EDIL3: variants seen among roughly 807,000 people sequenced by gnomAD.
EDIL3 encodes the protein EGF like and discoidin domains 3, also known as EGF-like repeat and discoidin I-like domain-containing protein 3.
EDIL3 carries 37 observed loss-of-function variants against 67.4 expected under a neutral mutation model. That is an observed-to-expected ratio of 0.55 (90% confidence interval 0.42 to 0.72). EDIL3 has a LOEUF of 0.72. Ranked by LOEUF, EDIL3 falls within the 30% of genes least tolerant of loss-of-function variation. EDIL3 has a pLI of 0.00. For missense variants in EDIL3, 527 were observed against 586.3 expected, an observed-to-expected ratio of 0.90 and a Z score of 1.04; for synonymous variants, 195 against 196.3, an observed-to-expected ratio of 0.99 and a Z score of 0.05.
intron 3 of EDIL3, among the ~76,000 whole-genome samples, chr5:84,190,604 T>A (rs1030575618): frequency 3.1e-4 from 35 of 111,186 alleles, no homozygotes; most frequent in South Asian, 5.3e-4. Flanking sequence ...TATATATATA[T>A]AATAAACAAA....
At position 84,316,635 on chromosome 5, in the gene EDIL3, A is replaced by G. The variant is rs1275110488; in HGVS notation, c.68-62423T>C. 2.0e-5 allele frequency among the ~76,000 whole-genome samples: 3 copies of G among 151,784 alleles called. No individual in the cohort carries two copies. In the East Asian group the frequency reaches 5.8e-4, roughly 29 times the overall value. On this transcript the variant is annotated intron_variant, in intron 1 of 10. Transcript: ENST00000296591. ...CAAGTTCTTAGAGACCTACAAAGAG[A>G]CTTAGACTCCCACACAATAATAGTG...
intron 2 of EDIL3, among the ~76,000 whole-genome samples, chr5:84,237,739 G>C (rs1441367786): frequency 6.6e-6 from 1 of 152,048 alleles, no homozygotes; most frequent in Non-Finnish European, 1.5e-5. Flanking sequence ...GATCCTCTTT[G>C]ATGCCATCCT....
chr5:84,262,116 G>T (rs1426393687), intron 1 of EDIL3, among the ~76,000 whole-genome samples: 1 of 152,138 alleles, frequency 6.6e-6, no homozygotes, highest in Admixed American at 6.5e-5. Flanking sequence ...ACAGTTTCTA[G>T]AATTGAAAAG....
rs761164390 is a variant in EDIL3, at chr5:84,137,341, G to C, written c.369C>G (p.Cys123Trp). ...CACCATTTTTGCAAGGCTCAACTTC[G>C]CATTCATTTATGTCTAAGAAAAACA... ...GIHCQHNINE[C>W]EVEPCKNGGI... The change falls in exon 5 of 11, where the codon TGC (cysteine) becomes TGG (tryptophan). Residue 123 changes from cysteine to tryptophan, a missense_variant. Cys to Trp is a radical substitution (Grantham distance 215). Around this residue, in one of 2 missense-constraint regions of EDIL3, gnomAD observed 494 missense variants for 522.5 expected, o/e 0.95. Coordinates refer to ENST00000296591, the MANE Select transcript of EDIL3 (RefSeq NM_005711.5). 6.2e-7 allele frequency: 1 copy of C among 1,612,206 alleles called. No homozygotes were observed. Among genetic ancestry groups the C allele is most frequent in the Non-Finnish European group, 8.5e-7 (1 of 1,179,338 alleles).
chr5:84,106,639 C>G lies in EDIL3; in HGVS notation c.651+10G>C. 6.3e-7 allele frequency: 1 copy of G among 1,593,070 alleles called. No homozygotes were observed. Among genetic ancestry groups the G allele is most frequent in the Non-Finnish European group, 8.5e-7 (1 of 1,172,064 alleles). ...TTATAACATTAACCTTGTCCCATCC[C>G]ATCTGTTACCTGAATCCACGGCCAT... On this transcript the variant is annotated intron_variant, in intron 6 of 10. Coordinates refer to ENST00000296591, the MANE Select transcript of EDIL3 (RefSeq NM_005711.5).
At chr5:84,173,730 C>T (rs181108985) in intron 4 of EDIL3, among the ~76,000 whole-genome samples, 3 of 152,264 alleles carry the variant, frequency 2.0e-5, no homozygotes, top group South Asian at 2.1e-4. Flanking sequence ...GTAATGGAGA[C>T]GGGGCCATCC....
intron 9 of EDIL3, among the ~76,000 whole-genome samples, chr5:84,055,626 AC>A: frequency 6.6e-6 from 1 of 152,144 alleles, no homozygotes; most frequent in Admixed American, 6.5e-5. Flanking sequence ...AAAACAAACA[AC>A]CCCATCAAAA....
At chr5:84,272,079 T>G (rs953101704) in intron 1 of EDIL3, among the ~76,000 whole-genome samples, 1 of 152,190 alleles carries the variant, frequency 6.6e-6, no homozygotes, top group East Asian at 1.9e-4. Context: ...GCATATGCAA[T>G]AACAACGCTC....
intron 1 of EDIL3, among the ~76,000 whole-genome samples, chr5:84,286,089 C>A (rs1745801434): frequency 6.6e-6 from 1 of 152,142 alleles, no homozygotes; most frequent in South Asian, 2.1e-4. Context: ...TAGCTCTAGG[C>A]TTACAGTGAA....
At chr5:83,944,692 T>C (rs2112110574) in intron 10 of EDIL3, among the ~76,000 whole-genome samples, 1 of 152,110 alleles carries the variant, frequency 6.6e-6, no homozygotes, top group South Asian at 2.1e-4. Flanking sequence ...TTAGATTTAG[T>C]TTAGATTTTT....
At chr5:84,217,211 G>A (rs1262358361) in intron 3 of EDIL3, among the ~76,000 whole-genome samples, 1 of 151,670 alleles carries the variant, frequency 6.6e-6, no homozygotes, top group Non-Finnish European at 1.5e-5. Context: ...ATGCAGGGAG[G>A]ATTAGAAATT....
At chr5:84,279,460 G>T (rs994769024) in intron 1 of EDIL3, among the ~76,000 whole-genome samples, 2 of 152,140 alleles carry the variant, frequency 1.3e-5, no homozygotes, top group Non-Finnish European at 2.9e-5. Flanking sequence ...TACTTACCAA[G>T]ATTGTAATCA....
At chr5:84,112,908 A>G (rs1432177260) in intron 5 of EDIL3, among the ~76,000 whole-genome samples, 1 of 152,180 alleles carries the variant, frequency 6.6e-6, no homozygotes, top group Non-Finnish European at 1.5e-5. Context: ...GTACCATTTT[A>G]TTTGTATACT....
intron 1 of EDIL3, among the ~76,000 whole-genome samples, chr5:84,316,844 G>A (rs1418573561): frequency 6.6e-6 from 1 of 152,022 alleles, no homozygotes; most frequent in Non-Finnish European, 1.5e-5. Context: ...TTCTAAAACT[G>A]ACCACATAAT....
At chr5:84,064,948 G>C (rs1746610203) in intron 7 of EDIL3, 104 bp from the exon 8 acceptor site, 1 of 1,362,482 alleles carries the variant, frequency 7.3e-7, no homozygotes, top group Non-Finnish European at 9.7e-7. Context: ...TCGAAGAACA[G>C]ATTACATTAT....
At chr5:84,329,162 T>C (rs1259342199) in intron 1 of EDIL3, among the ~76,000 whole-genome samples, 2 of 152,100 alleles carry the variant, frequency 1.3e-5, no homozygotes, top group Non-Finnish European at 2.9e-5. Context: ...GAGAAAAGCA[T>C]GAAAAAGAAA....
intron 2 of EDIL3, among the ~76,000 whole-genome samples, chr5:84,246,337 G>A (rs1744909285): frequency 6.6e-6 from 1 of 152,204 alleles, no homozygotes; most frequent in South Asian, 2.1e-4. Flanking sequence ...CTGCCACTAC[G>A]TAATAGTAGA....
At chr5:84,326,105 G>C (rs1177153875) in intron 1 of EDIL3, among the ~76,000 whole-genome samples, 2 of 152,024 alleles carry the variant, frequency 1.3e-5, no homozygotes, top group African/African-American at 4.8e-5. Context: ...GTAGGCGTAA[G>C]CTTGTTATAA....
At chr5:83,961,123 A>C (rs114775587) in intron 10 of EDIL3, among the ~76,000 whole-genome samples, 1 of 151,084 alleles carries the variant, frequency 6.6e-6, no homozygotes, top group Admixed American at 6.6e-5. Flanking sequence ...AAATAGTACC[A>C]GGGGTACAGA....
Sources: allele counts gnomAD v4.1 joint callset (sites outside exome capture counted in the v4.1 genomes callset), GRCh38; gene constraint gnomAD v4.1.1; regional missense constraint gnomAD v4.1.1; transcripts MANE v1.5; gene names NCBI Gene and HGNC (gene_info 2026-07-23, HGNC 2026-07-21).